Variants in LRRC1 observed in about 807,000 individuals in gnomAD.
LRRC1 encodes the protein leucine rich repeat containing 1.
Under a neutral mutation model 69.9 loss-of-function variants are expected in LRRC1, and 28 were observed. The ratio of observed to expected loss-of-function variants is 0.40; its 90% CI spans 0.30 to 0.55. The LOEUF (loss-of-function observed/expected upper bound fraction) is 0.55, where lower values mean the gene tolerates loss of function less well. LRRC1 is among the 20% of genes least tolerant of loss of function. LRRC1 has a pLI of 0.47. For missense variants in LRRC1, 498 were observed against 609.0 expected, an observed-to-expected ratio of 0.82 and a Z score of 1.92; for synonymous variants, 236 against 240.2, an observed-to-expected ratio of 0.98 and a Z score of 0.16.
chr6:53,842,009 T>C (rs888229184), intron 1 of LRRC1, 101 bp from the exon 2 acceptor site: 7 of 692,684 alleles, frequency 1.0e-5, no homozygotes, highest in African/African-American at 7.2e-5. Flanking sequence ...TGCTACAACC[T>C]TCATTAGTTT....
rs80253940 is a variant in LRRC1 at position 53,830,196 on chromosome 6, G to A, written c.160-11914G>A. 2.0e-3 allele frequency among the ~76,000 whole-genome samples: 301 copies of A among 152,318 alleles called. 4 individuals are homozygous for A. The East Asian group carries it at 0.041, about 21-fold the overall frequency. On this transcript the variant is annotated intron_variant, in intron 1 of 13. Transcript: ENST00000370888. ...CAGGAGTGTTAGTTCCACATCTTAC[G>A]TAGGTTGTTGGTAAACAGTAAAAAT...
intron 2 of LRRC1, among the ~76,000 whole-genome samples, chr6:53,854,493 G>A (rs1295348479): frequency 6.6e-6 from 1 of 152,130 alleles, no homozygotes; most frequent in African/African-American, 2.4e-5. Context: ...CCAGGTATGA[G>A]GCTAAGTACT....
intron 4 of LRRC1, among the ~76,000 whole-genome samples, chr6:53,889,292 T>G (rs1277669331): frequency 2.0e-5 from 3 of 152,036 alleles, no homozygotes; most frequent in Non-Finnish European, 4.4e-5. Flanking sequence ...TGTAAAACAG[T>G]TTGGGGAGGT....
At chr6:53,817,120 G>GT (rs1764972909) in intron 1 of LRRC1, among the ~76,000 whole-genome samples, 1 of 152,060 alleles carries the variant, frequency 6.6e-6, no homozygotes, top group Non-Finnish European at 1.5e-5. Flanking sequence ...TTCAATCCGA[G>GT]ACACTTGTCT....
chr6:53,819,811 T>C (rs1397807043), intron 1 of LRRC1, among the ~76,000 whole-genome samples: 5 of 152,210 alleles, frequency 3.3e-5, no homozygotes, highest in Non-Finnish European at 7.4e-5. Context: ...AAATGAGATT[T>C]ATTAGCCAGG....
intron 8 of LRRC1, among the ~76,000 whole-genome samples, chr6:53,901,655 C>T (rs908511370): frequency 1.3e-5 from 2 of 152,066 alleles, no homozygotes; most frequent in African/African-American, 2.4e-5. Flanking sequence ...AGACTAGTTG[C>T]CAGGAGACTT....
intron 1 of LRRC1, among the ~76,000 whole-genome samples, chr6:53,816,749 T>A (rs1186295272): frequency 6.6e-6 from 1 of 152,184 alleles, no homozygotes; most frequent in Non-Finnish European, 1.5e-5. Context: ...ATAAAAAATG[T>A]GCATAACACC....
chr6:53,805,874 G>A (rs112264073), intron 1 of LRRC1, among the ~76,000 whole-genome samples: 3 of 152,200 alleles, frequency 2.0e-5, no homozygotes, highest in Admixed American at 6.5e-5. Flanking sequence ...CTGCTGTGGT[G>A]GCTTCCCTGC....
chr6:53,795,205 G>A lies in LRRC1; in HGVS notation c.-52G>A. The A allele has an allele frequency of 2.6e-6, 4 of 1,521,382 alleles. No individual in the cohort carries two copies. Among genetic ancestry groups the A allele is most frequent in the Non-Finnish European group, 3.5e-6 (4 of 1,136,514 alleles). The allele number at this position is 1,521,382 out of a possible 1,614,324, so 94.2% of individuals were successfully genotyped here. On this transcript the variant is annotated 5_prime_UTR_variant, in exon 1 of 14. Transcript: ENST00000370888. The stretch of plus-strand genomic sequence containing the variant: ...GGAGCCGCCGGCCAGAGCGGGCTCG[G>A]AGCCCGGGTCTCCGCCGCTCGGGAC...
chr6:53,809,936 C>T (rs954365665), intron 1 of LRRC1, among the ~76,000 whole-genome samples: 1 of 152,224 alleles, frequency 6.6e-6, no homozygotes, highest in African/African-American at 2.4e-5. Flanking sequence ...TGTGGTGGTA[C>T]CCTTAGCAGA....
chr6:53,887,743 C>T (rs1313315151), intron 4 of LRRC1, among the ~76,000 whole-genome samples: 1 of 152,056 alleles, frequency 6.6e-6, no homozygotes, highest in African/African-American at 2.4e-5. Context: ...TTTCGTGAAC[C>T]TTTTTGCATA....
chr6:53,830,407 G>A (rs1037899604), intron 1 of LRRC1, among the ~76,000 whole-genome samples: 2 of 152,198 alleles, frequency 1.3e-5, no homozygotes, highest in Non-Finnish European at 2.9e-5. Context: ...TCCTTAAACA[G>A]TAGGGGAATT....
intron 4 of LRRC1, among the ~76,000 whole-genome samples, chr6:53,891,286 G>A (rs767076515): frequency 5.3e-5 from 8 of 151,894 alleles, no homozygotes; most frequent in Non-Finnish European, 8.8e-5. Context: ...AGGAAGAAGA[G>A]GTCATTCCAG....
At chr6:53,867,479 T>C (rs4624872) in intron 2 of LRRC1, among the ~76,000 whole-genome samples, 55,999 of 151,952 alleles carry the variant, frequency 0.37, 10,896 homozygotes, top group East Asian at 0.63. Context: ...TCAGAAATAA[T>C]GATAGCTTAG....
intron 1 of LRRC1, among the ~76,000 whole-genome samples, chr6:53,803,743 A>G (rs549260817): frequency 2.6e-5 from 4 of 152,188 alleles, no homozygotes; most frequent in Non-Finnish European, 5.9e-5. Flanking sequence ...TTTTGTTTCT[A>G]AAAACCCCAA....
chr6:53,801,613 C>T (rs990320569), intron 1 of LRRC1, among the ~76,000 whole-genome samples: 6 of 152,008 alleles, frequency 3.9e-5, no homozygotes, highest in Non-Finnish European at 8.8e-5. Flanking sequence ...TGTGTTAGTC[C>T]CCCACCCCTC....
chr6:53,908,237 G>GTT (rs1375835050), intron 10 of LRRC1, among the ~76,000 whole-genome samples: 5 of 152,228 alleles, frequency 3.3e-5, no homozygotes, highest in Non-Finnish European at 7.4e-5. Flanking sequence ...CAAGTTTAGG[G>GTT]TCCTGTTTTC....
At chr6:53,839,520 C>T (rs555012756) in intron 1 of LRRC1, among the ~76,000 whole-genome samples, 1 of 152,230 alleles carries the variant, frequency 6.6e-6, no homozygotes, top group Non-Finnish European at 1.5e-5. Context: ...CTCTTGCCTC[C>T]TTCCCCACTC....
intron 1 of LRRC1, among the ~76,000 whole-genome samples, chr6:53,833,828 C>G (rs932763708): frequency 1.3e-5 from 2 of 152,084 alleles, no homozygotes; most frequent in African/African-American, 4.8e-5. Context: ...AGATTGAACC[C>G]TTTATCTTAT....
Sources: allele counts gnomAD v4.1 joint callset (sites outside exome capture counted in the v4.1 genomes callset), GRCh38; gene constraint gnomAD v4.1.1; transcripts MANE v1.5; gene names NCBI Gene and HGNC (gene_info 2026-07-23, HGNC 2026-07-21).